JPH3: variants seen among roughly 807,000 people sequenced by gnomAD.
The protein encoded by JPH3 is junctophilin-3.
A neutral mutation model predicts 59.6 loss-of-function variants in JPH3; 11 were observed. That is an observed-to-expected ratio of 0.18 (90% CI 0.12 to 0.31). The LOEUF is 0.31. Ranked by LOEUF, JPH3 falls within the 10% of genes least tolerant of loss-of-function variation. The pLI is 1.00. For synonymous variants in JPH3, 673 were observed against 483.6 expected, an observed-to-expected ratio of 1.39 and a Z score of -5.14; for missense variants, 1,202 against 1,105.7, an observed-to-expected ratio of 1.09 and a Z score of -1.24.
At chr16:87,654,910 C>G (rs1047006671) in intron 2 of JPH3, 2 of 152,304 alleles carry the variant, frequency 1.3e-5, no homozygotes, top group Admixed American at 6.5e-5. Context: ...ACCTGGTGGC[C>G]TTCGACAAGA....
intron 1 of JPH3, among the ~76,000 whole-genome samples, chr16:87,641,966 C>T (rs956214296): frequency 6.6e-6 from 1 of 151,958 alleles, no homozygotes; most frequent in Non-Finnish European, 1.5e-5. Context: ...CCCTGGGGTG[C>T]TTGGAGGTGC....
chr16:87,689,338 A>T (rs1411768956), intron 3 of JPH3, among the ~76,000 whole-genome samples: 1 of 152,138 alleles, frequency 6.6e-6, no homozygotes, highest in Non-Finnish European at 1.5e-5. Flanking sequence ...TCCACACCCC[A>T]GCGTCCTCAC....
At chr16:87,636,466 C>G (rs751705837) in intron 1 of JPH3, among the ~76,000 whole-genome samples, 5 of 152,152 alleles carry the variant, frequency 3.3e-5, no homozygotes, top group Non-Finnish European at 7.3e-5. Context: ...ATTGAGCAAC[C>G]GAGGGAGCGA....
chr16:87,629,772 G>C (rs1053485948), intron 1 of JPH3, among the ~76,000 whole-genome samples: 1 of 152,090 alleles, frequency 6.6e-6, no homozygotes. Flanking sequence ...GTATATGTCC[G>C]GATGCCTTTG....
In JPH3 at chr16:87,695,721, T is replaced by C. The variant is rs867087461; in HGVS notation, c.2167-859T>C. 5 of 419,704 alleles carry C rather than the reference T, an allele frequency of 1.2e-5. No individual in the cohort carries two copies. The Middle Eastern group carries it at 1.7e-3, about 140-fold the overall frequency. 26.0% of individuals were successfully genotyped at this position (419,704 alleles called of 1,614,324 possible). A position where few individuals can be genotyped will look rare whatever the true frequency, so the allele number is the denominator to read the frequency against. On this transcript the variant is annotated intron_variant, in intron 4 of 4. Transcript: ENST00000284262. ...TGGGAGCTTCCCAGAGGGGCCACGC[T>C]CCCTCTCCCCCTGCCTGGTGTGAGC... is the stretch of plus-strand genomic sequence containing the variant.
At chr16:87,660,245 C>T (rs1394467479) in intron 2 of JPH3, among the ~76,000 whole-genome samples, 2 of 152,136 alleles carry the variant, frequency 1.3e-5, no homozygotes, top group Non-Finnish European at 2.9e-5. Flanking sequence ...GAAAGACTCT[C>T]CCTGGATTCT....
chr16:87,696,524 GC>G, intron 4 of JPH3, 55 bp from the exon 5 acceptor site: 1 of 1,450,406 alleles, frequency 6.9e-7, no homozygotes. Flanking sequence ...AGGCGTGGTG[GC>G]CCAGGCAGAG....
intron 1 of JPH3, among the ~76,000 whole-genome samples, chr16:87,636,768 A>T (rs1227042062): frequency 1.3e-5 from 2 of 152,204 alleles, no homozygotes; most frequent in African/African-American, 4.8e-5. Flanking sequence ...GGCGACCCTC[A>T]TTACACTGTG....
Position 87,611,466 on chromosome 16 carries a change from T to C in JPH3, c.382+7938T>C, listed in dbSNP as rs2030730421. 6.6e-6 allele frequency among the ~76,000 whole-genome samples: 1 copy of C among 152,140 alleles called. No homozygotes were observed. The highest frequency in any genetic ancestry group is 2.4e-5 in the African/African-American group (1 of 41,422). On this transcript the variant is annotated intron_variant, in intron 1 of 4. Transcript: ENST00000284262. This position sits in a 1 kb window ranked among gnomAD's most constrained non-coding sequence, Gnocchi z 4.5. ...CAGCTTCCCCATCTCTATGATTTAGTCATGACATTTTTTTCCTTCTCAACA... is the reference window on the plus strand; with the variant it reads ...CAGCTTCCCCATCTCTATGATTTAGCCATGACATTTTTTTCCTTCTCAACA...
intron 1 of JPH3, among the ~76,000 whole-genome samples, chr16:87,632,945 C>A (rs1283421318): frequency 1.3e-5 from 2 of 151,904 alleles, no homozygotes; most frequent in African/African-American, 4.8e-5. Flanking sequence ...GTTGCCCAGG[C>A]TGGTCTGGAA....
Position 87,603,037 on chromosome 16 carries a change from C to A in JPH3, c.-110C>A. On this transcript the variant is annotated 5_prime_UTR_variant, in exon 1 of 5. Transcript: ENST00000284262. ...CCGCGCTCCGGGGCCGCGTCCTCCTCTCCTCCGGAAAACGCTCGCGACCCA... is the reference window on the plus strand; with the variant it reads ...CCGCGCTCCGGGGCCGCGTCCTCCTATCCTCCGGAAAACGCTCGCGACCCA... 6.9e-7 allele frequency: 1 copy of A among 1,442,242 alleles called. No individual in the cohort carries two copies. Among genetic ancestry groups the A allele is most frequent in the Non-Finnish European group, 9.4e-7 (1 of 1,061,704 alleles). 89.3% of individuals were successfully genotyped at this position (1,442,242 alleles called of 1,614,324 possible).
chr16:87,685,049 G>T (rs948203625), intron 3 of JPH3, among the ~76,000 whole-genome samples: 1 of 152,218 alleles, frequency 6.6e-6, no homozygotes, highest in Non-Finnish European at 1.5e-5. Context: ...CTGCGCGCTG[G>T]AGGTCCGCAC....
At chr16:87,677,308 G>A (rs574923466) in intron 2 of JPH3, among the ~76,000 whole-genome samples, 2 of 151,880 alleles carry the variant, frequency 1.3e-5, no homozygotes, top group Non-Finnish European at 1.5e-5. Flanking sequence ...GCCTGAACCT[G>A]GGAGGCAGAG....
intron 2 of JPH3, among the ~76,000 whole-genome samples, chr16:87,681,502 G>C (rs1180447437): frequency 1.5e-4 from 19 of 126,668 alleles, no homozygotes; most frequent in African/African-American, 5.2e-4. Context: ...TGCGCGCGGT[G>C]GTGACAGTGC....
chr16:87,613,536 G>A (rs371059095), intron 1 of JPH3, among the ~76,000 whole-genome samples: 5 of 152,120 alleles, frequency 3.3e-5, no homozygotes, highest in East Asian at 1.9e-4. Flanking sequence ...GGCCAGACTG[G>A]TCTTGAACTC....
chr16:87,679,190 CTG>C (rs1416305169), intron 2 of JPH3, among the ~76,000 whole-genome samples: 18 of 152,228 alleles, frequency 1.2e-4, no homozygotes, highest in Non-Finnish European at 2.9e-5. Flanking sequence ...GTCCGAGAAA[CTG>C]GACCTGCCCG....
intron 4 of JPH3, among the ~76,000 whole-genome samples, chr16:87,692,143 T>G (rs1275735596): frequency 6.6e-6 from 1 of 152,118 alleles, no homozygotes; most frequent in Non-Finnish European, 1.5e-5. Context: ...GGATGCCAGC[T>G]GAGCTCCTTG....
chr16:87,651,965 T>A (rs1425928409), intron 2 of JPH3, among the ~76,000 whole-genome samples: 1 of 149,972 alleles, frequency 6.7e-6, no homozygotes, highest in Non-Finnish European at 1.5e-5. Context: ...CAGCCAACAT[T>A]GTTGTCGTTT....
intron 1 of JPH3, among the ~76,000 whole-genome samples, chr16:87,620,486 G>GTA (rs1567584985): frequency 4.5e-5 from 6 of 134,798 alleles, no homozygotes; most frequent in Non-Finnish European, 8.1e-5. Flanking sequence ...GAGAAGAGAG[G>GTA]GAGAGGGGGA....
Sources: gnomAD v4.1 joint callset for allele counts (sites outside exome capture counted in the v4.1 genomes callset) on GRCh38, gnomAD v4.1.1 for gene constraint, Gnocchi (gnomAD v3.1) non-coding constraint, MANE v1.5 for transcripts, NCBI Gene and HGNC (gene_info 2026-07-23, HGNC 2026-07-21) for gene names.